AFF3: variants seen among roughly 807,000 people sequenced by gnomAD.
The protein encoded by AFF3 is ALF transcription elongation factor 3, also known as AF4/FMR2 family member 3.
AFF3 carries 32 observed loss-of-function variants against 129.7 expected under a neutral mutation model. The observed-to-expected ratio is 0.25, with a 90% CI of 0.19 to 0.33. The LOEUF is 0.33. AFF3 is among the 10% of genes least tolerant of loss of function. The probability of loss-of-function intolerance (pLI) is 1.00; values close to 1 mark genes in which losing one functional copy is unlikely to be tolerated. For missense variants in AFF3, 1,373 were observed against 1,592.0 expected (o/e 0.86, Z 2.34); for synonymous variants, 644 against 635.4 (o/e 1.01, Z -0.20).
In AFF3 at chr2:100,008,730, C is replaced by G. The variant is rs957318934; in HGVS notation, c.174+82G>C. 3.3e-6 allele frequency: 5 copies of G among 1,514,518 alleles called. No homozygotes were observed. The African/African-American group carries it at 6.9e-5, about 21-fold the overall frequency. The allele number at this position is 1,514,518 out of a possible 1,614,324, so 93.8% of individuals were successfully genotyped here. A position where few individuals can be genotyped will look rare whatever the true frequency, so the allele number is the denominator to read the frequency against. On this transcript the variant is annotated intron_variant, in intron 5 of 24. Transcript: ENST00000672756. ...GAAGATGCAGTCAAGTTTGGTCGGC[C>G]AATTCTTTTAGTCAAGGCCACCGTC...
intron 7 of AFF3, among the ~76,000 whole-genome samples, chr2:99,894,800 A>G (rs940737601): frequency 1.3e-5 from 2 of 152,152 alleles, no homozygotes; most frequent in African/African-American, 4.8e-5. Flanking sequence ...AAATGCTTAA[A>G]TTACATAATA....
chr2:99,942,694 C>G (rs577281966), intron 7 of AFF3, among the ~76,000 whole-genome samples: 1 of 151,952 alleles, frequency 6.6e-6, no homozygotes, highest in South Asian at 2.1e-4. Flanking sequence ...CAGAGAGGAG[C>G]TTTGATTGTG....
At chr2:99,631,132 G>A (rs1331424806) in intron 13 of AFF3, 1 of 268,660 alleles carries the variant, frequency 3.7e-6, no homozygotes, top group Non-Finnish European at 8.1e-6. Context: ...CCTTCCCCTC[G>A]GCCGCCAAAG....
chr2:100,022,866 A>G (rs892898427), intron 4 of AFF3, among the ~76,000 whole-genome samples: 1 of 152,240 alleles, frequency 6.6e-6, no homozygotes, highest in Non-Finnish European at 1.5e-5. Flanking sequence ...AACACTGCAC[A>G]GAACAACAGA....
intron 7 of AFF3, among the ~76,000 whole-genome samples, chr2:99,965,090 G>C (rs10198187): frequency 0.19 from 28,646 of 152,150 alleles, 3,504 homozygotes; most frequent in African/African-American, 0.34. Context: ...TGAGATTGTT[G>C]TCTGAGATTT....
chr2:100,034,864 T>C (rs960520705), intron 4 of AFF3, among the ~76,000 whole-genome samples: 1 of 152,242 alleles, frequency 6.6e-6, no homozygotes, highest in African/African-American at 2.4e-5. Context: ...TCACATTAAC[T>C]GCCTCATGTA....
intron 6 of AFF3, 50 bp from the exon 7 acceptor site, chr2:100,007,067 C>T (rs767088682): frequency 1.3e-6 from 2 of 1,587,624 alleles, no homozygotes; most frequent in Admixed American, 1.8e-5. Context: ...GGGGTCGACA[C>T]ATAGGGATTT....
At chr2:99,807,637 G>A (rs1686455472) in intron 8 of AFF3, among the ~76,000 whole-genome samples, 1 of 152,154 alleles carries the variant, frequency 6.6e-6, no homozygotes, top group African/African-American at 2.4e-5. Context: ...GTAAAATAAG[G>A]CAGGCCTCAA....
chr2:99,574,538 GA>G (rs895712386), intron 18 of AFF3, among the ~76,000 whole-genome samples: 105 of 149,018 alleles, frequency 7.0e-4, no homozygotes, highest in Non-Finnish European at 1.0e-3. Context: ...TATAGTCATA[GA>G]AAAAAAAAAT....
At chr2:99,901,178 C>G (rs1021484749) in intron 7 of AFF3, among the ~76,000 whole-genome samples, 2 of 152,200 alleles carry the variant, frequency 1.3e-5, no homozygotes, top group African/African-American at 4.8e-5. Context: ...GATGGGATGT[C>G]TCTTTTCTCT....
intron 11 of AFF3, among the ~76,000 whole-genome samples, chr2:99,685,877 G>A (rs1675002981): frequency 6.6e-6 from 1 of 152,146 alleles, no homozygotes; most frequent in Non-Finnish European, 1.5e-5. Context: ...GAGGACAGGA[G>A]AGTAGGGATA....
At chr2:99,592,939 C>CA (rs1411415405) in intron 15 of AFF3, among the ~76,000 whole-genome samples, 10 of 94,528 alleles carry the variant, frequency 1.1e-4, no homozygotes, top group Non-Finnish European at 2.0e-4. Context: ...CCCTCCCCCC[C>CA]CCCCAAAAAA....
intron 1 of AFF3, among the ~76,000 whole-genome samples, chr2:100,137,995 A>C (rs1172744758): frequency 6.6e-6 from 1 of 152,184 alleles, no homozygotes; most frequent in Non-Finnish European, 1.5e-5. Context: ...GCCATCTGCC[A>C]GTTCTCCCTT....
chr2:99,992,483 A>T (rs1680445316), intron 7 of AFF3, among the ~76,000 whole-genome samples: 2 of 152,354 alleles, frequency 1.3e-5, no homozygotes, highest in Admixed American at 1.3e-4. Flanking sequence ...TACTTACTTC[A>T]ATCAAATTTA....
At chr2:99,558,033 A>C (rs1675111753) in intron 22 of AFF3, among the ~76,000 whole-genome samples, 1 of 152,230 alleles carries the variant, frequency 6.6e-6, no homozygotes, top group Admixed American at 6.5e-5. Flanking sequence ...AGTGAAAATA[A>C]TTTCATTCCC....
At chr2:99,645,875 G>T (rs1684645287) in intron 13 of AFF3, among the ~76,000 whole-genome samples, 1 of 152,094 alleles carries the variant, frequency 6.6e-6, no homozygotes, top group Non-Finnish European at 1.5e-5. Flanking sequence ...TAAATCAGGC[G>T]ACTGGAGAAA....
intron 8 of AFF3, among the ~76,000 whole-genome samples, chr2:99,808,646 A>G (rs530794969): frequency 6.6e-6 from 1 of 152,352 alleles, no homozygotes; most frequent in Admixed American, 6.5e-5. Flanking sequence ...CAGAATTAAG[A>G]AGTGGCTTTT....
intron 8 of AFF3, among the ~76,000 whole-genome samples, chr2:99,814,305 G>A (rs1365653691): frequency 6.6e-6 from 1 of 151,760 alleles, no homozygotes; most frequent in Non-Finnish European, 1.5e-5. Context: ...ATAACTAACT[G>A]AAGCCTGAAA....
At chr2:99,621,194 A>T (rs1027304069) in intron 13 of AFF3, among the ~76,000 whole-genome samples, 5 of 152,240 alleles carry the variant, frequency 3.3e-5, no homozygotes, top group African/African-American at 1.2e-4. Flanking sequence ...CCAAGAAAAG[A>T]CCAGAGAACC....
Sources: gnomAD v4.1 joint callset for allele counts (sites outside exome capture counted in the v4.1 genomes callset) on GRCh38, gnomAD v4.1.1 for gene constraint, MANE v1.5 for transcripts, NCBI Gene and HGNC (gene_info 2026-07-23, HGNC 2026-07-21) for gene names.